MLLT1: variants seen among roughly 807,000 people sequenced by gnomAD.
MLLT1 encodes protein ENL.
In MLLT1, 11 loss-of-function variants were observed where a neutral mutation model predicts 55.1. That is an observed-to-expected ratio of 0.20 (90% confidence interval 0.13 to 0.33). MLLT1 has a LOEUF of 0.33. Among genes scored for constraint, MLLT1 ranks in the 10% least tolerant of loss-of-function variants. The pLI, the probability that MLLT1 is intolerant of heterozygous loss-of-function variation, is 1.00. For synonymous variants in MLLT1, 323 were observed against 320.1 expected, an observed-to-expected ratio of 1.01 and a Z score of -0.10; for missense variants, 536 against 760.6, an observed-to-expected ratio of 0.70 and a Z score of 3.47.
intron 1 of MLLT1, among the ~76,000 whole-genome samples, chr19:6,277,011 G>C (rs1189148350): frequency 1.3e-5 from 2 of 152,228 alleles, no homozygotes; most frequent in Non-Finnish European, 1.5e-5. Context: ...GCGGAAAGCT[G>C]TGCTGTTTCC....
rs576844757 is a variant in MLLT1, at chr19:6,263,576, C to G, written c.194-1266G>C. 3 of 152,514 alleles carry G rather than the reference C, an allele frequency of 2.0e-5. No individual in the cohort carries two copies. The South Asian group carries it at 6.2e-4, about 32-fold the overall frequency. The allele number at this position is 152,514 out of a possible 1,614,324, so 9.4% of individuals were successfully genotyped here. A position where few individuals can be genotyped will look rare whatever the true frequency, so the allele number is the denominator to read the frequency against. ...CAAGCCTGAAGAACTTCTATCCCCC[C>G]AGACAGCGCCAAGAGGGATGGCAGT... On this transcript the variant is annotated intron_variant, in intron 2 of 11. Coordinates refer to ENST00000252674, the MANE Select transcript of MLLT1 (RefSeq NM_005934.4).
intron 8 of MLLT1, among the ~76,000 whole-genome samples, chr19:6,214,308 C>G (rs1004821392): frequency 6.6e-6 from 1 of 152,298 alleles, no homozygotes; most frequent in Middle Eastern, 3.4e-3. Flanking sequence ...GGACACAAAG[C>G]CCCCCAGCCA....
chr19:6,238,923 G>A (rs74512955), intron 3 of MLLT1, among the ~76,000 whole-genome samples: 2,694 of 152,344 alleles, frequency 0.018, 37 homozygotes, highest in Middle Eastern at 0.051. Context: ...AGCCCTGTGG[G>A]GCTGGGTGTG....
At chr19:6,278,318 G>C (rs2091437947) in intron 1 of MLLT1, among the ~76,000 whole-genome samples, 1 of 152,190 alleles carries the variant, frequency 6.6e-6, no homozygotes, top group African/African-American at 2.4e-5. Flanking sequence ...TTGGGTATTG[G>C]AGAAGAGGCA....
chr19:6,258,161 G>A lies in MLLT1; in HGVS notation c.276+4067C>T, dbSNP rs371157882. On this transcript the variant is annotated intron_variant, in intron 3 of 11. Coordinates refer to ENST00000252674, the MANE Select transcript of MLLT1 (RefSeq NM_005934.4). ...GTATACACCCAGAGGAACTGAAAACGGGCACTCAAACAAGTACAAACACAC... is the reference window on the plus strand; with the variant it reads ...GTATACACCCAGAGGAACTGAAAACAGGCACTCAAACAAGTACAAACACAC... Among the ~76,000 whole-genome samples, 10 of 152,038 alleles carry A rather than the reference G, an allele frequency of 6.6e-5. No individual in the cohort carries two copies. In the South Asian group the frequency reaches 8.3e-4, roughly 13 times the overall value.
chr19:6,230,466 G>T lies in MLLT1; in HGVS notation c.420+104C>A. 1 of 1,414,634 alleles carries T rather than the reference G, an allele frequency of 7.1e-7. No individual in the cohort carries two copies. The highest frequency in any genetic ancestry group is 9.6e-7 in the Non-Finnish European group (1 of 1,043,660). The allele number at this position is 1,414,634 out of a possible 1,614,324, so 87.6% of individuals were successfully genotyped here. A position where few individuals can be genotyped will look rare whatever the true frequency, so the allele number is the denominator to read the frequency against. On this transcript the variant is annotated intron_variant, in intron 4 of 11. Coordinates refer to ENST00000252674, the MANE Select transcript of MLLT1 (RefSeq NM_005934.4). This position sits in a 1 kb window ranked among gnomAD's most constrained non-coding sequence, Gnocchi z 9.0. ...GTGCTGCCGTGTGACCTGCGCCTTGGGTCTCGGCCCCCAGCACCGACACCT... is the reference window on the plus strand; with the variant it reads ...GTGCTGCCGTGTGACCTGCGCCTTGTGTCTCGGCCCCCAGCACCGACACCT...
At chr19:6,221,597 C>A (rs2090897131) in intron 6 of MLLT1, among the ~76,000 whole-genome samples, 1 of 152,190 alleles carries the variant, frequency 6.6e-6, no homozygotes, top group Non-Finnish European at 1.5e-5. Flanking sequence ...TGCTCTTGAC[C>A]CCACCAGCCA....
In MLLT1 at chr19:6,226,522, C is replaced by G. The variant is rs1047696741; in HGVS notation, c.546+455G>C. ...TCCCCTGCCCTTCCCCCACGAAACT[C>G]TGCAGTGAGCCATAGCCCGAGATGC... On this transcript the variant is annotated intron_variant, in intron 5 of 11. Transcript: ENST00000252674. The surrounding 1 kb of genome is among the most constrained non-coding windows in gnomAD (Gnocchi z 6.3). Among the ~76,000 whole-genome samples the G allele has an allele frequency of 1.3e-5, 2 of 152,194 alleles. No homozygotes were observed. The highest frequency in any genetic ancestry group is 1.3e-4 in the Admixed American group (2 of 15,292).
Position 6,227,164 on chromosome 19 carries a change from G to A in MLLT1, c.421-62C>T, listed in dbSNP as rs74677083. ...AGGGGGCAGGGGGCCCACACGGGCCGGGCTGAAGGTGGTGGGGCTTCCCTC... is the reference window on the plus strand; with the variant it reads ...AGGGGGCAGGGGGCCCACACGGGCCAGGCTGAAGGTGGTGGGGCTTCCCTC... On this transcript the variant is annotated intron_variant, in intron 4 of 11. Coordinates refer to ENST00000252674, the MANE Select transcript of MLLT1 (RefSeq NM_005934.4). This position sits in a 1 kb window ranked among gnomAD's most constrained non-coding sequence, Gnocchi z 5.1. The A allele has an allele frequency of 4.1e-3, 6,316 of 1,525,848 alleles. 239 individuals carry two copies. In the African/African-American group the frequency reaches 0.08, roughly 19 times the overall value. The allele number at this position is 1,525,848 out of a possible 1,614,324, so 94.5% of individuals were successfully genotyped here. A position where few individuals can be genotyped will look rare whatever the true frequency, so the allele number is the denominator to read the frequency against.
At chr19:6,260,564 C>T (rs950545525) in intron 3 of MLLT1, among the ~76,000 whole-genome samples, 12 of 152,270 alleles carry the variant, frequency 7.9e-5, no homozygotes, top group African/African-American at 2.9e-4. Context: ...GGGCAGCCCA[C>T]GGCGGAGCCA....
chr19:6,276,669 G>A lies in MLLT1; in HGVS notation c.12+3104C>T, dbSNP rs112851401. Among the ~76,000 whole-genome samples, 417 of 151,886 alleles carry A rather than the reference G, an allele frequency of 2.7e-3. 1 individual carries two copies. The highest frequency in any genetic ancestry group is 9.3e-3 in the African/African-American group (384 of 41,406). ...TGTCACGTCCCAGTCCCCTCCCCCC[G>A]GCCCCAGCCCAGGAAACAAACCACA... is the stretch of plus-strand genomic sequence containing the variant. On this transcript the variant is annotated intron_variant, in intron 1 of 11. Transcript: ENST00000252674.
At position 6,211,637 on chromosome 19, in the gene MLLT1, G is replaced by A; in HGVS notation, c.*1405C>T. 2.8e-6 allele frequency: 3 copies of A among 1,064,752 alleles called. No homozygotes were observed. Among genetic ancestry groups the A allele is most frequent in the Non-Finnish European group, 3.4e-6 (3 of 878,874 alleles). 66.0% of individuals were successfully genotyped at this position (1,064,752 alleles called of 1,614,324 possible). A position where few individuals can be genotyped will look rare whatever the true frequency, so the allele number is the denominator to read the frequency against. ...CTCTTTTCCTCATAACTTGGTCAGG[G>A]CACAAGGACTTGAAAGGACTTGAAA... is the stretch of plus-strand genomic sequence containing the variant. On this transcript the variant is annotated 3_prime_UTR_variant, in exon 12 of 12. Transcript: ENST00000252674. The surrounding 1 kb of genome is among the most constrained non-coding windows in gnomAD (Gnocchi z 4.6).
chr19:6,213,944 T>G lies in MLLT1; in HGVS notation c.1402A>C (p.Ser468Arg). 6.9e-7 allele frequency: 1 copy of G among 1,440,502 alleles called. No homozygotes were observed. Among genetic ancestry groups the G allele is most frequent in the African/African-American group, 1.4e-5 (1 of 69,900 alleles). 89.2% of individuals were successfully genotyped at this position (1,440,502 alleles called of 1,614,324 possible). ...PPPQKPPPPN[S>R]KVSGRRSPES... ...CCTGCAGGCCCCAGGCTCACCTTGC[T>G]GTTGGGCGGGGGTGGCTTCTGGGGG... The change falls in exon 9 of 12, where the codon AGC becomes CGC. Residue 468 changes from serine (S) to arginine (R), a missense_variant. This residue lies in a region of MLLT1 where 449 missense variants were observed against 489.0 expected (regional missense o/e 0.92). Transcript: ENST00000252674.
intron 3 of MLLT1, among the ~76,000 whole-genome samples, chr19:6,241,649 C>T (rs1383651116): frequency 6.6e-6 from 1 of 152,242 alleles, no homozygotes; most frequent in Non-Finnish European, 1.5e-5. Flanking sequence ...TCCTCTCTCC[C>T]TGCAGCGATG....
chr19:6,247,634 C>A (rs2091180785), intron 3 of MLLT1, among the ~76,000 whole-genome samples: 1 of 152,152 alleles, frequency 6.6e-6, no homozygotes, highest in South Asian at 2.1e-4. Flanking sequence ...TACCAGTAGG[C>A]CACCACTGGG....
Position 6,229,650 on chromosome 19 carries a change from G to T in MLLT1, c.420+920C>A, listed in dbSNP as rs2090988510. 6.6e-6 allele frequency among the ~76,000 whole-genome samples: 1 copy of T among 150,964 alleles called. No homozygotes were observed. Among genetic ancestry groups the T allele is most frequent in the Non-Finnish European group, 1.5e-5 (1 of 67,706 alleles). On this transcript the variant is annotated intron_variant, in intron 4 of 11. Coordinates refer to ENST00000252674, the MANE Select transcript of MLLT1 (RefSeq NM_005934.4). The surrounding 1 kb of genome is among the most constrained non-coding windows in gnomAD (Gnocchi z 5.2). ...TGCACACACCATACATGACACAGCA[G>T]ACAGCGTATGTACATACCACACAAC...
chr19:6,242,498 AG>A (rs2091124194), intron 3 of MLLT1, among the ~76,000 whole-genome samples: 1 of 152,198 alleles, frequency 6.6e-6, no homozygotes, highest in Non-Finnish European at 1.5e-5. Flanking sequence ...AGCTTGTTGC[AG>A]GGGTTGGGGA....
intron 3 of MLLT1, among the ~76,000 whole-genome samples, chr19:6,255,853 G>A (rs555677911): frequency 6.6e-6 from 1 of 152,214 alleles, no homozygotes; most frequent in South Asian, 2.1e-4. Flanking sequence ...AAGGCTGGGC[G>A]CGCTGACTCA....
chr19:6,212,374 CAG>C lies in MLLT1; in HGVS notation c.*666_*667del. ...CTCGGCCTCCAGCCCCACACCACCGCAGAGACATCTTAACCTACAAGCCCCAC... is the reference window on the plus strand; with the variant it reads ...CTCGGCCTCCAGCCCCACACCACCGCAGACATCTTAACCTACAAGCCCCAC... On this transcript the variant is annotated 3_prime_UTR_variant, in exon 12 of 12. Coordinates refer to ENST00000252674, the MANE Select transcript of MLLT1 (RefSeq NM_005934.4). 1 of 1,066,354 alleles carries C rather than the reference CAG, an allele frequency of 9.4e-7. No individual in the cohort carries two copies. Among genetic ancestry groups the C allele is most frequent in the Non-Finnish European group, 1.1e-6 (1 of 879,760 alleles). 66.1% of individuals were successfully genotyped at this position (1,066,354 alleles called of 1,614,324 possible).
Sources: gnomAD v4.1 joint callset for allele counts (sites outside exome capture counted in the v4.1 genomes callset) on GRCh38, gnomAD v4.1.1 for gene constraint, gnomAD v4.1.1 regional missense constraint, Gnocchi (gnomAD v3.1) non-coding constraint, MANE v1.5 for transcripts, NCBI Gene and HGNC (gene_info 2026-07-23, HGNC 2026-07-21) for gene names.